EDN1: variants seen among roughly 807,000 people sequenced by gnomAD.
EDN1 encodes endothelin 1, also known as endothelin-1.
A neutral mutation model predicts 21.7 loss-of-function variants in EDN1; 11 were observed. That is an observed-to-expected ratio of 0.51 (90% confidence interval 0.32 to 0.84). The LOEUF (loss-of-function observed/expected upper bound fraction) is 0.84. EDN1 is among the 40% of genes least tolerant of loss of function. The pLI is 0.03. For synonymous variants in EDN1, 85 were observed against 90.6 expected (o/e 0.94, Z 0.35); for missense variants, 244 against 262.3 (o/e 0.93, Z 0.48).
At chr6:12,273,670 C>G in the EDN1 span, among the ~76,000 whole-genome samples, 72 of 120,640 alleles carry the variant, frequency 6.0e-4, no homozygotes, top group African/African-American at 1.6e-3. Context: ...AACAGTAGTT[C>G]AGGAATCCAC....
At chr6:12,240,222 G>A in the EDN1 span, among the ~76,000 whole-genome samples, 3 of 152,186 alleles carry the variant, frequency 2.0e-5, no homozygotes, top group Non-Finnish European at 4.4e-5. Context: ...GGCTGTGAAA[G>A]CTGTGAAGGC....
the EDN1 span, among the ~76,000 whole-genome samples, chr6:12,248,352 G>A: frequency 5.9e-5 from 9 of 152,100 alleles, no homozygotes; most frequent in African/African-American, 9.7e-5. Context: ...GAAAATAAAT[G>A]TCTGTGCCTT....
At chr6:12,258,367 T>C in the EDN1 span, among the ~76,000 whole-genome samples, 2 of 143,808 alleles carry the variant, frequency 1.4e-5, no homozygotes, top group Non-Finnish European at 3.0e-5. Flanking sequence ...GAGGATGGCT[T>C]GAGCCTGGGA....
At chr6:12,241,834 A>AACAT in the EDN1 span, among the ~76,000 whole-genome samples, 1 of 152,164 alleles carries the variant, frequency 6.6e-6, no homozygotes, top group Admixed American at 6.5e-5. Flanking sequence ...AAATTGCATC[A>AACAT]ACATACTTGC....
chr6:12,252,654 A>G, the EDN1 span, among the ~76,000 whole-genome samples: 1 of 152,204 alleles, frequency 6.6e-6, no homozygotes, highest in Non-Finnish European at 1.5e-5. Context: ...CTCTTAAGCC[A>G]CACCAATGCC....
Position 12,295,998 on chromosome 6 carries a change from T to C in EDN1, c.570T>C (p.Phe190=). The C allele has an allele frequency of 6.2e-7, 1 of 1,614,128 alleles. No homozygotes were observed. The highest frequency in any genetic ancestry group is 8.5e-7 in the Non-Finnish European group (1 of 1,180,012). Residue 190 remains phenylalanine (F), a synonymous_variant, in exon 5 of 5, where the codon TTT becomes TTC. Coordinates refer to ENST00000379375, the MANE Select transcript of EDN1 (RefSeq NM_001955.5). Reference sequence around the variant, plus strand: ...TGAGAAACAGCGTCAAATCATCTTTTCATGATCCCAAGCTGAAAGGCAAGC... The same window carrying C: ...TGAGAAACAGCGTCAAATCATCTTTCCATGATCCCAAGCTGAAAGGCAAGC... The part of the protein sequence containing the change: ...ETMRNSVKSS[F]HDPKLKGKPS...
chr6:12,295,362 C>T (rs984598530), intron 4 of EDN1, among the ~76,000 whole-genome samples: 7 of 152,098 alleles, frequency 4.6e-5, no homozygotes, highest in African/African-American at 1.7e-4. Flanking sequence ...GCCAGTAATG[C>T]TCCCCACGAG....
In EDN1 at chr6:12,290,436, G is replaced by T; in HGVS notation, c.-194G>T. 1.7e-6 allele frequency: 1 copy of T among 603,232 alleles called. No homozygotes were observed. The highest frequency in any genetic ancestry group is 2.9e-6 in the Non-Finnish European group (1 of 340,154). 37.4% of individuals were successfully genotyped at this position (603,232 alleles called of 1,614,324 possible). On this transcript the variant is annotated 5_prime_UTR_variant, in exon 1 of 5. Transcript: ENST00000379375. Reference sequence around the variant, plus strand: ...GTCCCAGCTCTCCACCGCCGCGTGCGCCTGCAGACGCTCCGCTCGCTGCCT... The same window carrying T: ...GTCCCAGCTCTCCACCGCCGCGTGCTCCTGCAGACGCTCCGCTCGCTGCCT...
intron 1 of EDN1, 56 bp from the exon 2 acceptor site, chr6:12,292,285 A>G (rs1242881659): frequency 2.9e-5 from 46 of 1,607,286 alleles, no homozygotes; most frequent in Non-Finnish European, 4.2e-6. Context: ...GTGATCCAGC[A>G]TGTCTCTCGG....
rs759433680 is a variant in EDN1 at position 12,296,002 on chromosome 6, G to T, written c.574G>T (p.Asp192Tyr). Reference sequence around the variant, plus strand: ...AAACAGCGTCAAATCATCTTTTCATGATCCCAAGCTGAAAGGCAAGCCCTC... The same window carrying T: ...AAACAGCGTCAAATCATCTTTTCATTATCCCAAGCTGAAAGGCAAGCCCTC... ...MRNSVKSSFH[D>Y]PKLKGKPSRE... The change falls in exon 5 of 5, where the codon GAT becomes TAT. Residue 192 changes from aspartate to tyrosine, a missense_variant. Coordinates refer to ENST00000379375, the MANE Select transcript of EDN1 (RefSeq NM_001955.5). 2 of 1,613,972 alleles carry T rather than the reference G, an allele frequency of 1.2e-6. No homozygotes were observed. The highest frequency in any genetic ancestry group is 1.7e-5 in the Admixed American group (1 of 60,004).
chr6:12,231,785 TG>T, the EDN1 span, among the ~76,000 whole-genome samples: 1 of 152,038 alleles, frequency 6.6e-6, no homozygotes, highest in African/African-American at 2.4e-5. Flanking sequence ...TACACATAAA[TG>T]GTAATTTTTC....
At chr6:12,291,210 TACCGCCTCCCCCCCCCCCCGCC>T (rs1268991526) in intron 1 of EDN1, among the ~76,000 whole-genome samples, 1 of 127,054 alleles carries the variant, frequency 7.9e-6, no homozygotes, top group Non-Finnish European at 1.6e-5. Context: ...GTTGACTAAC[TACCGCCTCCCCCCCCCCCCGCC>T]ACCACCCCCC....
chr6:12,285,234 A>T, the EDN1 span, among the ~76,000 whole-genome samples: 10 of 152,164 alleles, frequency 6.6e-5, no homozygotes, highest in African/African-American at 2.4e-4. Context: ...GGAGATTTAA[A>T]TAGAGAGTGG....
chr6:12,281,110 A>G, the EDN1 span, among the ~76,000 whole-genome samples: 2 of 152,126 alleles, frequency 1.3e-5, no homozygotes, highest in Non-Finnish European at 2.9e-5. Context: ...AACCATGTCT[A>G]CATTCCGACT....
chr6:12,292,252 G>A, intron 1 of EDN1, 89 bp from the exon 2 acceptor site: 1 of 1,570,696 alleles, frequency 6.4e-7, no homozygotes, highest in East Asian at 2.2e-5. Flanking sequence ...GCTTTTATCT[G>A]CTCTGCTAGC....
the EDN1 span, among the ~76,000 whole-genome samples, chr6:12,268,634 G>T: frequency 2.6e-5 from 4 of 152,180 alleles, no homozygotes; most frequent in East Asian, 5.8e-4. Context: ...TAAATGTGTG[G>T]ATTTATTTCT....
At chr6:12,232,346 T>A in the EDN1 span, among the ~76,000 whole-genome samples, 2,900 of 151,620 alleles carry the variant, frequency 0.019, 42 homozygotes, top group Non-Finnish European at 0.027. Context: ...CTGTTCATAT[T>A]TTTAGTTATT....
the EDN1 span, among the ~76,000 whole-genome samples, chr6:12,251,360 A>T: frequency 1.3e-5 from 2 of 152,244 alleles, no homozygotes; most frequent in East Asian, 3.8e-4. Flanking sequence ...CAGTTGGCAC[A>T]CTATTTAACG....
At chr6:12,250,772 AAGAT>A in the EDN1 span, among the ~76,000 whole-genome samples, 1 of 152,244 alleles carries the variant, frequency 6.6e-6, no homozygotes. Flanking sequence ...TTTCTTTCAA[AAGAT>A]ATCCCTTTAG....
Sources: gnomAD v4.1 joint callset for allele counts (sites outside exome capture counted in the v4.1 genomes callset) on GRCh38, gnomAD v4.1.1 for gene constraint, MANE v1.5 for transcripts, NCBI Gene and HGNC (gene_info 2026-07-23, HGNC 2026-07-21) for gene names.